Variants in PCDH15 observed in about 807,000 individuals in gnomAD.
PCDH15 encodes protocadherin related 15.
A neutral mutation model predicts 178.5 loss-of-function variants in PCDH15; 129 were observed. The observed-to-expected ratio is 0.72, with a 90% CI of 0.63 to 0.84. The LOEUF (loss-of-function observed/expected upper bound fraction) is 0.84. Among genes scored for constraint, PCDH15 ranks in the 40% least tolerant of loss-of-function variants. The pLI, the probability that PCDH15 is intolerant of heterozygous loss-of-function variation, is 0.00. For missense variants in PCDH15, 2,230 were observed against 2,099.9 expected (o/e 1.06, Z -1.21); for synonymous variants, 800 against 732.0 (o/e 1.09, Z -1.50).
At chr10:55,455,371 C>G (rs1201558477) in intron 2 of PCDH15, among the ~76,000 whole-genome samples, 2 of 152,008 alleles carry the variant, frequency 1.3e-5, no homozygotes, top group African/African-American at 2.4e-5. Flanking sequence ...CTATATTTAT[C>G]CTTAAGTTTT....
At chr10:54,219,481 T>C (rs1233350942) in intron 9 of PCDH15, among the ~76,000 whole-genome samples, 2 of 148,378 alleles carry the variant, frequency 1.3e-5, no homozygotes, top group African/African-American at 5.0e-5. Flanking sequence ...TAGTCCCAGC[T>C]ACTCGGGAGG....
chr10:54,744,766 T>C (rs1945247397), intron 1 of PCDH15, among the ~76,000 whole-genome samples: 2 of 152,180 alleles, frequency 1.3e-5, no homozygotes, highest in South Asian at 4.1e-4. Context: ...TGGCAGTAAT[T>C]ATCCTATTTG....
chr10:53,868,246 ATTC>A (rs1359790793), intron 26 of PCDH15, among the ~76,000 whole-genome samples: 1 of 151,834 alleles, frequency 6.6e-6, no homozygotes, highest in African/African-American at 2.4e-5. Context: ...TTATCCGATT[ATTC>A]TTATTTTTAC....
chr10:54,316,175 T>C (rs2061256123), intron 8 of PCDH15, among the ~76,000 whole-genome samples: 1 of 152,086 alleles, frequency 6.6e-6, no homozygotes, highest in African/African-American at 2.4e-5. Flanking sequence ...TCATGCAAGT[T>C]AACTGGACCA....
chr10:53,883,628 C>T (rs943910803), intron 26 of PCDH15, among the ~76,000 whole-genome samples: 3 of 152,182 alleles, frequency 2.0e-5, no homozygotes, highest in African/African-American at 7.2e-5. Context: ...AATACATACA[C>T]ATCTATAAAT....
chr10:54,070,350 T>C (rs895600313), intron 17 of PCDH15, among the ~76,000 whole-genome samples: 36 of 151,986 alleles, frequency 2.4e-4, no homozygotes, highest in African/African-American at 8.2e-4. Flanking sequence ...ATTACAGACA[T>C]GTGCCACCAT....
intron 18 of PCDH15, among the ~76,000 whole-genome samples, chr10:54,035,018 C>T (rs1457472831): frequency 6.6e-6 from 1 of 151,752 alleles, no homozygotes; most frequent in Non-Finnish European, 1.5e-5. Flanking sequence ...GGATGCCATT[C>T]CTTTGTTAAT....
At chr10:55,062,594 T>A (rs920005230) in intron 2 of PCDH15, among the ~76,000 whole-genome samples, 1 of 152,144 alleles carries the variant, frequency 6.6e-6, no homozygotes, top group African/African-American at 2.4e-5. Context: ...GAAAGATGGA[T>A]AAATAGGCAG....
At chr10:54,596,967 A>T (rs2092272403) in intron 2 of PCDH15, among the ~76,000 whole-genome samples, 1 of 152,176 alleles carries the variant, frequency 6.6e-6, no homozygotes, top group South Asian at 2.1e-4. Flanking sequence ...GGGACCTTCA[A>T]GGAGACTTAG....
chr10:54,908,357 G>A (rs1198352061), intron 2 of PCDH15, among the ~76,000 whole-genome samples: 1 of 152,166 alleles, frequency 6.6e-6, no homozygotes, highest in Non-Finnish European at 1.5e-5. Flanking sequence ...ACCATAACCA[G>A]CTTCTACAGG....
chr10:55,404,472 T>C (rs1838151521), intron 2 of PCDH15, among the ~76,000 whole-genome samples: 2 of 152,048 alleles, frequency 1.3e-5, no homozygotes, highest in Non-Finnish European at 2.9e-5. Flanking sequence ...AGATATGTTA[T>C]TACCAAACGT....
intron 1 of PCDH15, among the ~76,000 whole-genome samples, chr10:55,312,720 C>A (rs1015299653): frequency 1.7e-4 from 26 of 151,922 alleles, no homozygotes; most frequent in African/African-American, 4.6e-4. Context: ...TGGGTTCAAG[C>A]GATTCTCCTG....
At chr10:54,224,843 T>G (rs1384374625) in intron 9 of PCDH15, among the ~76,000 whole-genome samples, 1 of 152,142 alleles carries the variant, frequency 6.6e-6, no homozygotes, top group Admixed American at 6.5e-5. Flanking sequence ...GTAAACTACC[T>G]TTGTCCTGCT....
At chr10:54,142,259 C>G (rs12253321) in intron 14 of PCDH15, among the ~76,000 whole-genome samples, 2,397 of 152,188 alleles carry the variant, frequency 0.016, 78 homozygotes, top group African/African-American at 0.055. Flanking sequence ...GTATAAATAT[C>G]CTATTAACTA....
intron 2 of PCDH15, among the ~76,000 whole-genome samples, chr10:54,939,351 C>T (rs1049376842): frequency 1.3e-5 from 2 of 151,410 alleles, no homozygotes; most frequent in East Asian, 2.0e-4. Flanking sequence ...AAAAATTAGC[C>T]GGGCGTGGTG....
chr10:54,878,921 G>A (rs570653732), intron 3 of PCDH15, among the ~76,000 whole-genome samples: 3 of 152,148 alleles, frequency 2.0e-5, no homozygotes, highest in East Asian at 1.9e-4. Flanking sequence ...ATCATGCAGT[G>A]TTTGGTTGAA....
At chr10:54,454,925 C>A (rs939600727) in intron 3 of PCDH15, among the ~76,000 whole-genome samples, 15 of 152,018 alleles carry the variant, frequency 9.9e-5, no homozygotes, top group Admixed American at 9.8e-4. Context: ...TCCCATAATC[C>A]CCATGTGTTG....
At chr10:53,955,822 G>C (rs1259856174) in intron 23 of PCDH15, among the ~76,000 whole-genome samples, 2 of 152,110 alleles carry the variant, frequency 1.3e-5, no homozygotes. Context: ...ATCCAGTTGA[G>C]GCAGTAAAAT....
chr10:54,766,056 TA>T (rs780653130), intron 1 of PCDH15, among the ~76,000 whole-genome samples: 7 of 152,154 alleles, frequency 4.6e-5, no homozygotes, highest in African/African-American at 7.2e-5. Context: ...GTGTGAAATA[TA>T]GCTATATACA....
Sources: gnomAD v4.1 joint callset for allele counts (sites outside exome capture counted in the v4.1 genomes callset) on GRCh38, gnomAD v4.1.1 for gene constraint, MANE v1.5 for transcripts, NCBI Gene and HGNC (gene_info 2026-07-23, HGNC 2026-07-21) for gene names.